PDE11A: variants seen among roughly 807,000 people sequenced by gnomAD.
PDE11A encodes dual 3',5'-cyclic-AMP and -GMP phosphodiesterase 11A.
In PDE11A, 100 loss-of-function variants were observed where a neutral mutation model predicts 100.5. The ratio of observed to expected loss-of-function variants is 1.00; its 90% CI spans 0.85 to 1.18. PDE11A has a LOEUF of 1.18. Ranked by LOEUF, PDE11A falls within the 50% of genes most tolerant of loss-of-function variation. PDE11A has a pLI of 0.00. For missense variants in PDE11A, 1,141 were observed against 1,152.6 expected (o/e 0.99, Z 0.15); for synonymous variants, 381 against 420.8 (o/e 0.91, Z 1.16).
At chr2:178,100,219 G>A (rs1376100530) in intron 2 of PDE11A, among the ~76,000 whole-genome samples, 1 of 152,110 alleles carries the variant, frequency 6.6e-6, no homozygotes, top group Admixed American at 6.5e-5. Flanking sequence ...AGTTAAGATG[G>A]TTAAAATGGT....
At chr2:177,754,944 T>C (rs906224127) in intron 10 of PDE11A, among the ~76,000 whole-genome samples, 4 of 152,238 alleles carry the variant, frequency 2.6e-5, no homozygotes, top group African/African-American at 4.8e-5. Flanking sequence ...CTAGGGATGT[T>C]TGGCCTGTCT....
intron 10 of PDE11A, among the ~76,000 whole-genome samples, chr2:177,766,707 C>T (rs764581256): frequency 2.3e-4 from 35 of 152,116 alleles, no homozygotes; most frequent in Non-Finnish European, 5.0e-4. Flanking sequence ...GTTATTGCTG[C>T]AGTTATAACA....
chr2:177,785,810 G>A (rs878972521), intron 9 of PDE11A, among the ~76,000 whole-genome samples: 1 of 152,204 alleles, frequency 6.6e-6, no homozygotes. Context: ...AGATCAAACT[G>A]CAAGGCGGCA....
intron 1 of PDE11A, among the ~76,000 whole-genome samples, chr2:178,065,855 TC>T (rs2105868835): frequency 6.6e-6 from 1 of 152,180 alleles, no homozygotes; most frequent in African/African-American, 2.4e-5. Context: ...AATTAATTCC[TC>T]CTGAGGCAAA....
intron 9 of PDE11A, among the ~76,000 whole-genome samples, chr2:177,773,214 A>C (rs984557806): frequency 1.3e-5 from 2 of 151,984 alleles, no homozygotes; most frequent in African/African-American, 4.8e-5. Context: ...GGGTTTCACT[A>C]TGTGGCCCAG....
chr2:177,777,879 G>C (rs2082400144), intron 9 of PDE11A, among the ~76,000 whole-genome samples: 1 of 152,202 alleles, frequency 6.6e-6, no homozygotes, highest in African/African-American at 2.4e-5. Context: ...GAAAATTTCT[G>C]ATAGATGGAT....
intron 2 of PDE11A, among the ~76,000 whole-genome samples, chr2:177,983,787 C>T (rs930592814): frequency 6.6e-6 from 1 of 152,086 alleles, no homozygotes; most frequent in African/African-American, 2.4e-5. Context: ...ATTATTAGTT[C>T]ACTAGATATA....
intron 10 of PDE11A, among the ~76,000 whole-genome samples, chr2:177,736,451 G>A (rs1457010594): frequency 6.6e-6 from 1 of 151,908 alleles, no homozygotes; most frequent in Non-Finnish European, 1.5e-5. Flanking sequence ...TTAAACCCAG[G>A]AGGTGGAGGT....
intron 10 of PDE11A, among the ~76,000 whole-genome samples, chr2:177,742,649 G>A (rs943175749): frequency 2.6e-5 from 4 of 152,166 alleles, no homozygotes; most frequent in African/African-American, 7.2e-5. Flanking sequence ...CAGAAACTGT[G>A]TTTGCCTCAT....
intron 5 of PDE11A, among the ~76,000 whole-genome samples, chr2:177,864,091 G>A (rs1227607622): frequency 1.3e-5 from 2 of 152,002 alleles, no homozygotes; most frequent in Non-Finnish European, 2.9e-5. Flanking sequence ...AGGTGCTACA[G>A]GACAGACACA....
intron 11 of PDE11A, 29 bp downstream of exon 11, chr2:177,727,997 G>A (rs2081625309): frequency 3.1e-6 from 5 of 1,602,186 alleles, no homozygotes; most frequent in Non-Finnish European, 4.3e-6. Flanking sequence ...CAGGTGAACT[G>A]CTTGGATCAC....
At chr2:177,956,757 G>A (rs539750649) in intron 2 of PDE11A, among the ~76,000 whole-genome samples, 1 of 152,316 alleles carries the variant, frequency 6.6e-6, no homozygotes, top group African/African-American at 2.4e-5. Flanking sequence ...CATGTCTTTT[G>A]TAGGGACATG....
chr2:177,836,000 T>A (rs1335039187), intron 6 of PDE11A, among the ~76,000 whole-genome samples: 1 of 152,164 alleles, frequency 6.6e-6, no homozygotes, highest in Non-Finnish European at 1.5e-5. Context: ...CGACGAGCGC[T>A]GCCCCCTGCT....
At chr2:177,921,265 ATTATTTTCCTAT>A in intron 2 of PDE11A, among the ~76,000 whole-genome samples, 1 of 151,682 alleles carries the variant, frequency 6.6e-6, no homozygotes, top group South Asian at 2.1e-4. Flanking sequence ...AAATTTTAAT[ATTATTTTCCTAT>A]AGATATACAG....
intron 10 of PDE11A, among the ~76,000 whole-genome samples, chr2:177,755,123 C>A (rs111916847): frequency 3.9e-5 from 6 of 152,276 alleles, no homozygotes; most frequent in African/African-American, 1.2e-4. Context: ...ATGGGCTAGT[C>A]ATTAGTGAGG....
Position 178,072,242 on chromosome 2 carries a change from A to C in PDE11A, c.196T>G (p.Cys66Gly). 6.2e-7 allele frequency: 1 copy of C among 1,613,516 alleles called. No individual in the cohort carries two copies. The highest frequency in any genetic ancestry group is 8.5e-7 in the Non-Finnish European group (1 of 1,179,674). The change falls in exon 1 of 20, where the codon TGC becomes GGC. Residue 66 changes from cysteine (C) to glycine (G), a missense_variant. Cys to Gly is a radical substitution (Grantham distance 159). Coordinates refer to ENST00000286063, the MANE Select transcript of PDE11A (RefSeq NM_016953.4). Reference protein sequence around the residue: ...AGTSSLAHSTCRGGSSVGGGT... With the variant: ...AGTSSLAHSTGRGGSSVGGGT... ...CCACCAACGCTGCTGCCACCTCTGC[A>C]GGTGCTGTGAGCCAAGCTGCTGGTA...
At chr2:177,966,616 G>A (rs1443481677) in intron 2 of PDE11A, among the ~76,000 whole-genome samples, 1 of 151,980 alleles carries the variant, frequency 6.6e-6, no homozygotes, top group African/African-American at 2.4e-5. Flanking sequence ...AGATGATCTT[G>A]TGGTTTTGTT....
At chr2:177,741,642 G>A (rs1003886771) in intron 10 of PDE11A, among the ~76,000 whole-genome samples, 5 of 152,130 alleles carry the variant, frequency 3.3e-5, no homozygotes, top group African/African-American at 1.2e-4. Flanking sequence ...AACCTAGAAA[G>A]GCTTTTTCTC....
chr2:177,981,572 T>C (rs991555440), intron 2 of PDE11A, among the ~76,000 whole-genome samples: 2 of 150,696 alleles, frequency 1.3e-5, no homozygotes, highest in Non-Finnish European at 1.5e-5. Flanking sequence ...ACCAGTCATA[T>C]TGGATTAGGG....
Sources: gnomAD v4.1 joint callset for allele counts (sites outside exome capture counted in the v4.1 genomes callset) on GRCh38, gnomAD v4.1.1 for gene constraint, MANE v1.5 for transcripts, NCBI Gene and HGNC (gene_info 2026-07-23, HGNC 2026-07-21) for gene names.